LIMS1: variants seen among roughly 807,000 people sequenced by gnomAD.
LIMS1 encodes LIM and senescent cell antigen-like-containing domain protein 1.
Under a neutral mutation model 44.1 loss-of-function variants are expected in LIMS1, and 18 were observed. That is an observed-to-expected ratio of 0.41 (90% CI 0.28 to 0.61). The LOEUF is 0.61. LIMS1 is among the 20% of genes least tolerant of loss of function. The pLI, the probability that LIMS1 is intolerant of heterozygous loss-of-function variation, is 0.32. For synonymous variants in LIMS1, 93 were observed against 149.1 expected, an observed-to-expected ratio of 0.62 and a Z score of 2.74; for missense variants, 201 against 422.0, an observed-to-expected ratio of 0.48 and a Z score of 4.59.
chr2:108,679,223 G>C (rs868820275), intron 8 of LIMS1, among the ~76,000 whole-genome samples: 2 of 151,416 alleles, frequency 1.3e-5, no homozygotes, highest in African/African-American at 4.9e-5. Flanking sequence ...TCACGCCTGT[G>C]ATCCCAACAC....
intron 1 of LIMS1, chr2:108,588,674 T>C: frequency 1.1e-6 from 1 of 888,442 alleles, no homozygotes; most frequent in African/African-American, 1.8e-5. Context: ...CCTACCTTTC[T>C]CAGTTATTTA....
intron 1 of LIMS1, among the ~76,000 whole-genome samples, chr2:108,555,117 G>A (rs1192991748): frequency 6.6e-6 from 1 of 152,164 alleles, no homozygotes; most frequent in Non-Finnish European, 1.5e-5. Flanking sequence ...GTAGGTGAGA[G>A]CATGGTTTTC....
intron 1 of LIMS1, among the ~76,000 whole-genome samples, chr2:108,642,428 C>T (rs1377511890): frequency 2.7e-5 from 4 of 145,478 alleles, no homozygotes; most frequent in African/African-American, 1.0e-4. Context: ...GGCGCGATCT[C>T]GGCTCACTGC....
At chr2:108,653,686 A>G (rs1163541997) in intron 1 of LIMS1, among the ~76,000 whole-genome samples, 2 of 150,154 alleles carry the variant, frequency 1.3e-5, no homozygotes, top group Non-Finnish European at 1.5e-5. Flanking sequence ...GCCAAAGTTA[A>G]TGACGCACCC....
chr2:108,578,745 C>G (rs890119659), intron 1 of LIMS1, among the ~76,000 whole-genome samples: 6 of 151,912 alleles, frequency 3.9e-5, no homozygotes, highest in Non-Finnish European at 8.8e-5. Context: ...AGGTGCCCAC[C>G]ACCACGCCTG....
At chr2:108,577,274 G>A (rs1380278937) in intron 1 of LIMS1, among the ~76,000 whole-genome samples, 3 of 152,238 alleles carry the variant, frequency 2.0e-5, no homozygotes, top group Non-Finnish European at 4.4e-5. Flanking sequence ...GTGAACCACA[G>A]CTAATACAGA....
chr2:108,571,284 A>G (rs1367771383), intron 1 of LIMS1, among the ~76,000 whole-genome samples: 1 of 152,192 alleles, frequency 6.6e-6, no homozygotes, highest in Non-Finnish European at 1.5e-5. Flanking sequence ...AGATCTTTTT[A>G]AGGGTGGAGA....
intron 1 of LIMS1, among the ~76,000 whole-genome samples, chr2:108,596,019 C>T (rs1348887723): frequency 6.6e-6 from 1 of 152,044 alleles, no homozygotes; most frequent in African/African-American, 2.4e-5. Context: ...GAGTAAGGGA[C>T]GATCTCCTAG....
At chr2:108,624,461 A>C (rs912380874) in intron 1 of LIMS1, among the ~76,000 whole-genome samples, 2 of 152,246 alleles carry the variant, frequency 1.3e-5, no homozygotes, top group African/African-American at 4.8e-5. Context: ...AAACAGCTTA[A>C]TATAGGGGCT....
In LIMS1 at chr2:108,645,853, A is replaced by G. The variant is rs192235686; in HGVS notation, c.33-13752A>G. ...AAAAAAACCCAGGAGTTGCAATCCT[A>G]GTCTCTGATAAAACAGCCTTTAAAC... On this transcript the variant is annotated intron_variant, in intron 1 of 9. Coordinates refer to ENST00000544547, the Ensembl canonical transcript of LIMS1. 3.3e-3 allele frequency among the ~76,000 whole-genome samples: 508 copies of G among 152,130 alleles called. 2 individuals carry two copies. Among genetic ancestry groups the G allele is most frequent in the African/African-American group, 0.011 (465 of 41,506 alleles).
intron 1 of LIMS1, among the ~76,000 whole-genome samples, chr2:108,535,829 A>G (rs1558777352): frequency 6.6e-6 from 1 of 152,230 alleles, no homozygotes; most frequent in Non-Finnish European, 1.5e-5. Flanking sequence ...ATACAGGTTT[A>G]AATAACCCTA....
intron 1 of LIMS1, among the ~76,000 whole-genome samples, chr2:108,552,585 GGTGTGTGTGTGTGT>G (rs151262934): frequency 2.0e-5 from 2 of 101,872 alleles, no homozygotes; most frequent in Admixed American, 1.3e-4. Context: ...ATATATTTTG[GGTGTGTGTGTGTGT>G]GTGTGTGTGT....
chr2:108,605,769 C>G (rs1211443920), intron 1 of LIMS1, among the ~76,000 whole-genome samples: 22 of 152,162 alleles, frequency 1.4e-4, no homozygotes, highest in African/African-American at 5.1e-4. Context: ...CAGTGAGGGA[C>G]CCAAGAGCAA....
intron 1 of LIMS1, among the ~76,000 whole-genome samples, chr2:108,653,303 C>CT (rs1344246119): frequency 6.7e-6 from 1 of 149,850 alleles, no homozygotes; most frequent in African/African-American, 2.5e-5. Flanking sequence ...TATTCAGTCT[C>CT]TTTGTGCCTC....
At chr2:108,540,171 A>G (rs936174916) in intron 1 of LIMS1, among the ~76,000 whole-genome samples, 4 of 150,452 alleles carry the variant, frequency 2.7e-5, no homozygotes, top group Non-Finnish European at 5.9e-5. Flanking sequence ...TTTTCATTTA[A>G]CAGGTGATAA....
intron 1 of LIMS1, among the ~76,000 whole-genome samples, chr2:108,593,256 C>G (rs1204825678): frequency 6.6e-6 from 1 of 152,202 alleles, no homozygotes; most frequent in Non-Finnish European, 1.5e-5. Flanking sequence ...CCAAACATAT[C>G]TAAACCTTAT....
At chr2:108,545,425 C>T (rs775298687) in intron 1 of LIMS1, among the ~76,000 whole-genome samples, 38 of 151,992 alleles carry the variant, frequency 2.5e-4, no homozygotes, top group East Asian at 5.8e-4. Flanking sequence ...AGTAGAGACG[C>T]GGTTTCACCA....
intron 1 of LIMS1, among the ~76,000 whole-genome samples, chr2:108,621,057 T>G (rs1365787372): frequency 6.6e-6 from 1 of 152,176 alleles, no homozygotes; most frequent in East Asian, 1.9e-4. Context: ...GTGTGATTAT[T>G]CATAACAATT....
intron 1 of LIMS1, among the ~76,000 whole-genome samples, chr2:108,559,164 C>T (rs546182759): frequency 1.1e-4 from 16 of 152,202 alleles, no homozygotes; most frequent in Non-Finnish European, 1.9e-4. Flanking sequence ...GGCTTTAATT[C>T]AGAGTTTGCA....
Sources: gnomAD v4.1 joint callset for allele counts (sites outside exome capture counted in the v4.1 genomes callset) on GRCh38, gnomAD v4.1.1 for gene constraint, MANE v1.5 for transcripts, NCBI Gene and HGNC (gene_info 2026-07-23, HGNC 2026-07-21) for gene names.